The following SLC22A23 variants were observed in gnomAD, a reference collection of about 807,000 sequenced individuals.
SLC22A23 encodes ion transporter protein.
In SLC22A23, 26 loss-of-function variants were observed where a neutral mutation model predicts 61.0. That is an observed-to-expected ratio of 0.43 (90% CI 0.31 to 0.59). The LOEUF (loss-of-function observed/expected upper bound fraction) is 0.59, where lower values mean the gene tolerates loss of function less well. Ranked by LOEUF, SLC22A23 falls within the 20% of genes least tolerant of loss-of-function variation. The probability of loss-of-function intolerance (pLI) is 0.11; values close to 1 mark genes in which losing one functional copy is unlikely to be tolerated. For synonymous variants in SLC22A23, 430 were observed against 413.9 expected (o/e 1.04, Z -0.47); for missense variants, 796 against 934.7 (o/e 0.85, Z 1.94).
chr6:3,320,652 C>A (rs1762896109), intron 4 of SLC22A23, among the ~76,000 whole-genome samples: 1 of 152,198 alleles, frequency 6.6e-6, no homozygotes, highest in Non-Finnish European at 1.5e-5. Flanking sequence ...CCCACTGCAG[C>A]AGATGGGAGG....
At chr6:3,421,352 C>A (rs1383839842) in intron 1 of SLC22A23, among the ~76,000 whole-genome samples, 1 of 152,276 alleles carries the variant, frequency 6.6e-6, no homozygotes, top group East Asian at 1.9e-4. Context: ...GAGACACCCA[C>A]AGAGGTCTCT....
chr6:3,321,493 A>G (rs574299499), intron 4 of SLC22A23, among the ~76,000 whole-genome samples: 28 of 152,352 alleles, frequency 1.8e-4, no homozygotes, highest in African/African-American at 6.7e-4. Context: ...TGTATATTTC[A>G]AAGAATTTTC....
In SLC22A23 at chr6:3,360,292, AC is replaced by A. The variant is rs1368038618; in HGVS notation, c.914-36291del. Among the ~76,000 whole-genome samples the A allele has an allele frequency of 1.3e-5, 2 of 152,040 alleles. No homozygotes were observed. Among genetic ancestry groups the A allele is most frequent in the African/African-American group, 4.8e-5 (2 of 41,364 alleles). The stretch of plus-strand genomic sequence containing the variant: ...TTTATTTTACCATGATAAAACAAAC[AC>A]CCCCCTCCAAATAAAACAACAACAA... On this transcript the variant is annotated intron_variant, in intron 3 of 9. Coordinates refer to ENST00000406686, the MANE Select transcript of SLC22A23 (RefSeq NM_015482.2). The surrounding 1 kb of genome is among the most constrained non-coding windows in gnomAD (Gnocchi z 4.6).
At chr6:3,331,387 CATT>C (rs1763573069) in intron 3 of SLC22A23, among the ~76,000 whole-genome samples, 1 of 152,164 alleles carries the variant, frequency 6.6e-6, no homozygotes. Context: ...TAAATGTGAA[CATT>C]TTTTCCTCCC....
chr6:3,321,019 A>G (rs914113815), intron 4 of SLC22A23, among the ~76,000 whole-genome samples: 1 of 152,166 alleles, frequency 6.6e-6, no homozygotes, highest in Non-Finnish European at 1.5e-5. Flanking sequence ...CAACCCCATT[A>G]TTGACCACAA....
At chr6:3,450,312 A>G (rs1772100745) in intron 1 of SLC22A23, among the ~76,000 whole-genome samples, 1 of 152,156 alleles carries the variant, frequency 6.6e-6, no homozygotes. Context: ...TCAGTATTTT[A>G]TTATTTTTTT....
At chr6:3,306,741 C>A (rs535387675) in intron 4 of SLC22A23, among the ~76,000 whole-genome samples, 1 of 152,120 alleles carries the variant, frequency 6.6e-6, no homozygotes, top group Non-Finnish European at 1.5e-5. Context: ...ACCTAAACCC[C>A]AGGTGGGGGG....
At chr6:3,365,573 GCA>G (rs1207767113) in intron 3 of SLC22A23, among the ~76,000 whole-genome samples, 2 of 152,144 alleles carry the variant, frequency 1.3e-5, no homozygotes, top group Non-Finnish European at 2.9e-5. Flanking sequence ...CCCTTGCGTA[GCA>G]CAGTCTCTAT....
chr6:3,448,601 C>G (rs1772027198), intron 1 of SLC22A23, among the ~76,000 whole-genome samples: 1 of 152,202 alleles, frequency 6.6e-6, no homozygotes, highest in African/African-American at 2.4e-5. Context: ...TCACGCCATT[C>G]TCCTGCCTCA....
intron 3 of SLC22A23, among the ~76,000 whole-genome samples, chr6:3,407,418 T>C (rs1243398782): frequency 6.6e-6 from 1 of 152,238 alleles, no homozygotes; most frequent in Non-Finnish European, 1.5e-5. Flanking sequence ...AAGACTGCCA[T>C]GTGTGCAGAG....
chr6:3,283,237 G>A (rs572812231), intron 9 of SLC22A23, among the ~76,000 whole-genome samples: 34 of 152,280 alleles, frequency 2.2e-4, no homozygotes, highest in African/African-American at 7.9e-4. Flanking sequence ...TTCGAGACCA[G>A]CCTGGCCAAC....
intron 3 of SLC22A23, among the ~76,000 whole-genome samples, chr6:3,405,700 T>C (rs1267835532): frequency 2.0e-5 from 3 of 152,062 alleles, no homozygotes; most frequent in Non-Finnish European, 2.9e-5. Context: ...CAAGGAATAT[T>C]AGTTCAGGGA....
chr6:3,290,157 G>A (rs1561871045), intron 5 of SLC22A23: 2 of 477,962 alleles, frequency 4.2e-6, no homozygotes, highest in African/African-American at 2.0e-5. Context: ...CAGTCAGAGT[G>A]CACACAAACG....
At position 3,329,071 on chromosome 6, in the gene SLC22A23, A is replaced by G. The variant is rs1348829175; in HGVS notation, c.914-5069T>C. Among the ~76,000 whole-genome samples, 1 of 152,194 alleles carries G rather than the reference A, an allele frequency of 6.6e-6. No homozygotes were observed. Among genetic ancestry groups the G allele is most frequent in the Non-Finnish European group, 1.5e-5 (1 of 68,034 alleles). On this transcript the variant is annotated intron_variant, in intron 3 of 9. Coordinates refer to ENST00000406686, the MANE Select transcript of SLC22A23 (RefSeq NM_015482.2). This position sits in a 1 kb window ranked among gnomAD's most constrained non-coding sequence, Gnocchi z 4.8. ...AGCACGCAAAGGTCCGAGCTGTGCT[A>G]CTGAGCAGGGCTTGGCCCCAGCTCC... is the stretch of plus-strand genomic sequence containing the variant.
chr6:3,393,625 C>A (rs1330153698), intron 3 of SLC22A23, among the ~76,000 whole-genome samples: 1 of 152,230 alleles, frequency 6.6e-6, no homozygotes, highest in Non-Finnish European at 1.5e-5. Context: ...AGCAGAAATA[C>A]ATGTTTCCCA....
intron 1 of SLC22A23, among the ~76,000 whole-genome samples, chr6:3,421,056 C>T (rs1013851669): frequency 7.9e-5 from 12 of 151,192 alleles, no homozygotes; most frequent in Non-Finnish European, 1.3e-4. Flanking sequence ...AGCAAGACTG[C>T]GCCACTGCAC....
chr6:3,361,993 A>G (rs1453215455), intron 3 of SLC22A23, among the ~76,000 whole-genome samples: 1 of 152,222 alleles, frequency 6.6e-6, no homozygotes, highest in African/African-American at 2.4e-5. Context: ...AGAAACATGG[A>G]GGAAACCTAT....
At chr6:3,290,647 A>C (rs1228095608) in intron 5 of SLC22A23, 2 of 152,794 alleles carry the variant, frequency 1.3e-5, no homozygotes, top group Non-Finnish European at 2.9e-5. Context: ...ACCAGCGCAC[A>C]GTGTTACATT....
chr6:3,323,112 T>TC (rs1172816775), intron 4 of SLC22A23, among the ~76,000 whole-genome samples: 6 of 151,852 alleles, frequency 4.0e-5, no homozygotes, highest in Non-Finnish European at 7.4e-5. Context: ...TGTTTAGTGT[T>TC]CCCCCCGTAC....
Sources: allele counts gnomAD v4.1 joint callset (sites outside exome capture counted in the v4.1 genomes callset), GRCh38; gene constraint gnomAD v4.1.1; non-coding constraint Gnocchi (gnomAD v3.1); transcripts MANE v1.5; gene names NCBI Gene and HGNC (gene_info 2026-07-23, HGNC 2026-07-21).